Variants in LTBP1 observed in about 807,000 individuals in gnomAD.
The protein encoded by LTBP1 is latent transforming growth factor beta binding protein 1.
Under a neutral mutation model 207.6 loss-of-function variants are expected in LTBP1, and 129 were observed. That is an observed-to-expected ratio of 0.62 (90% CI 0.54 to 0.72). The LOEUF is 0.72. Ranked by LOEUF, LTBP1 falls within the 30% of genes least tolerant of loss-of-function variation. The pLI is 0.00. For missense variants in LTBP1, 2,281 were observed against 2,217.2 expected, an observed-to-expected ratio of 1.03 and a Z score of -0.58; for synonymous variants, 963 against 833.7, an observed-to-expected ratio of 1.16 and a Z score of -2.67.
chr2:33,275,179 C>T, intron 17 of LTBP1, 89 bp downstream of exon 17: 1 of 1,467,784 alleles, frequency 6.8e-7, no homozygotes, highest in Non-Finnish European at 9.2e-7. Flanking sequence ...CTTATCCAGA[C>T]AACCCAGAAT....
intron 7 of LTBP1, among the ~76,000 whole-genome samples, chr2:33,189,449 T>G (rs2087592632): frequency 6.6e-6 from 1 of 152,174 alleles, no homozygotes; most frequent in East Asian, 1.9e-4. Context: ...GCCTGCCTCG[T>G]CCTCCCACAG....
intron 2 of LTBP1, among the ~76,000 whole-genome samples, chr2:33,010,626 T>A (rs1210371608): frequency 6.6e-6 from 1 of 152,112 alleles, no homozygotes; most frequent in East Asian, 1.9e-4. Context: ...AGATATCACA[T>A]GGACCCCATA....
intron 2 of LTBP1, among the ~76,000 whole-genome samples, chr2:32,986,242 A>T (rs934705101): frequency 1.5e-4 from 23 of 152,032 alleles, no homozygotes; most frequent in African/African-American, 5.6e-4. Context: ...GACTCCTAGG[A>T]TGATGTTGGT....
At chr2:33,351,655 C>T (rs1306223567) in intron 26 of LTBP1, among the ~76,000 whole-genome samples, 1 of 152,128 alleles carries the variant, frequency 6.6e-6, no homozygotes, top group East Asian at 1.9e-4. Context: ...CTAAGTGAGC[C>T]GTCAGTGAGC....
At chr2:33,189,830 A>C (rs1232177088) in intron 7 of LTBP1, among the ~76,000 whole-genome samples, 2 of 151,582 alleles carry the variant, frequency 1.3e-5, no homozygotes, top group African/African-American at 4.8e-5. Context: ...GTTCGAGACC[A>C]GCCTGGCCAA....
At chr2:32,997,006 T>G (rs1005035456) in intron 2 of LTBP1, among the ~76,000 whole-genome samples, 3 of 152,106 alleles carry the variant, frequency 2.0e-5, no homozygotes, top group African/African-American at 7.2e-5. Flanking sequence ...TGCCTCAGCC[T>G]CCCGAGTAGC....
At chr2:33,008,424 T>C (rs969197817) in intron 2 of LTBP1, among the ~76,000 whole-genome samples, 2 of 152,224 alleles carry the variant, frequency 1.3e-5, no homozygotes, top group African/African-American at 4.8e-5. Context: ...TAAAAAAATA[T>C]TATTGATTTT....
chr2:33,121,475 C>G (rs188067737), intron 4 of LTBP1, among the ~76,000 whole-genome samples: 1 of 152,206 alleles, frequency 6.6e-6, no homozygotes, highest in East Asian at 1.9e-4. Context: ...GGATTGAGTG[C>G]TCTTCCCTAA....
chr2:33,197,403 AG>A (rs950131570), intron 7 of LTBP1, among the ~76,000 whole-genome samples: 9 of 152,224 alleles, frequency 5.9e-5, no homozygotes, highest in African/African-American at 2.2e-4. Context: ...TACAATCACC[AG>A]CCACTTCAGG....
chr2:33,211,243 A>G (rs1468485986), intron 7 of LTBP1, among the ~76,000 whole-genome samples: 1 of 152,190 alleles, frequency 6.6e-6, no homozygotes, highest in African/African-American at 2.4e-5. Context: ...CTTTTAATAA[A>G]TGTGTCCTGA....
chr2:33,201,873 G>A (rs1371674800), intron 7 of LTBP1, among the ~76,000 whole-genome samples: 1 of 152,168 alleles, frequency 6.6e-6, no homozygotes, highest in Admixed American at 6.5e-5. Context: ...GATTCTGTTA[G>A]AGATGCCAGA....
At chr2:33,099,055 C>G (rs1322592570) in intron 3 of LTBP1, among the ~76,000 whole-genome samples, 1 of 152,124 alleles carries the variant, frequency 6.6e-6, no homozygotes, top group Admixed American at 6.5e-5. Context: ...TTGAAATAAG[C>G]CATATATTTT....
chr2:33,092,749 C>G (rs932659937), intron 3 of LTBP1, among the ~76,000 whole-genome samples: 1 of 152,166 alleles, frequency 6.6e-6, no homozygotes, highest in Non-Finnish European at 1.5e-5. Context: ...TTGAAATCCT[C>G]TCTCCCCATT....
intron 15 of LTBP1, among the ~76,000 whole-genome samples, chr2:33,272,030 G>T (rs1161562273): frequency 2.0e-5 from 3 of 152,140 alleles, no homozygotes; most frequent in Non-Finnish European, 4.4e-5. Context: ...TAAATACATG[G>T]GGTGTGCATA....
chr2:33,273,631 C>G, intron 15 of LTBP1, 25 bp from the exon 16 acceptor site: 1 of 1,571,368 alleles, frequency 6.4e-7, no homozygotes, highest in South Asian at 1.2e-5. Context: ...TGGGTTTTTT[C>G]ACATTATTTT....
intron 31 of LTBP1, among the ~76,000 whole-genome samples, chr2:33,368,305 G>A (rs996531177): frequency 2.6e-4 from 40 of 152,226 alleles, no homozygotes; most frequent in Non-Finnish European, 1.2e-4. Context: ...AGAACTACCC[G>A]GCGATCCCAC....
At chr2:32,978,874 G>C (rs79891580) in intron 2 of LTBP1, among the ~76,000 whole-genome samples, 1 of 151,404 alleles carries the variant, frequency 6.6e-6, no homozygotes, top group Non-Finnish European at 1.5e-5. Context: ...TTATTACAGC[G>C]TTGATATCAT....
At chr2:33,057,963 G>A (rs933386648) in intron 3 of LTBP1, among the ~76,000 whole-genome samples, 5 of 152,394 alleles carry the variant, frequency 3.3e-5, no homozygotes, top group Admixed American at 6.5e-5. Flanking sequence ...CGAGGGCTGC[G>A]AGGGCTGCCA....
chr2:33,095,373 A>C (rs1022632702), intron 3 of LTBP1, among the ~76,000 whole-genome samples: 10 of 152,230 alleles, frequency 6.6e-5, no homozygotes, highest in African/African-American at 2.4e-4. Context: ...GGAGACTCCA[A>C]AGTTCCTAGT....
Sources: gnomAD v4.1 joint callset for allele counts (sites outside exome capture counted in the v4.1 genomes callset) on GRCh38, gnomAD v4.1.1 for gene constraint, MANE v1.5 for transcripts, NCBI Gene and HGNC (gene_info 2026-07-23, HGNC 2026-07-21) for gene names.